Variants in C18orf54 observed in about 807,000 individuals in gnomAD.
C18orf54 encodes the protein chromosome 18 open reading frame 54.
A neutral mutation model predicts 49.3 loss-of-function variants in C18orf54; 49 were observed. The ratio of observed to expected loss-of-function variants is 0.99; its 90% CI spans 0.79 to 1.26. The LOEUF (loss-of-function observed/expected upper bound fraction) is 1.26, where lower values mean the gene tolerates loss of function less well. Ranked by LOEUF, C18orf54 falls within the 50% of genes most tolerant of loss-of-function variation. The pLI, the probability that C18orf54 is intolerant of heterozygous loss-of-function variation, is 0.00. For missense variants in C18orf54, 687 were observed against 620.6 expected (o/e 1.11, Z -1.14); for synonymous variants, 211 against 216.6 (o/e 0.97, Z 0.23).
intron 6 of C18orf54, among the ~76,000 whole-genome samples, chr18:54,368,148 A>G (rs905847069): frequency 2.0e-5 from 3 of 152,068 alleles, no homozygotes; most frequent in Non-Finnish European, 4.4e-5. Context: ...TTAAAAAAAC[A>G]TGATTTTGAA....
At position 54,372,062 on chromosome 18, in the gene C18orf54, G is replaced by C. The variant is rs112855750; in HGVS notation, c.1327-404G>C. On this transcript the variant is annotated intron_variant, in intron 6 of 8. Transcript: ENST00000620105. ...TTCTGTTATAAAAACATATTTTAAA[G>C]TGTGCAGAGAATACTGTATTTGAAA... 3.6e-3 allele frequency among the ~76,000 whole-genome samples: 552 copies of C among 152,136 alleles called. 6 individuals carry two copies. The highest frequency in any genetic ancestry group is 0.012 in the African/African-American group (500 of 41,552).
intron 7 of C18orf54, 70 bp from the exon 8 acceptor site, chr18:54,374,144 T>C: frequency 8.3e-7 from 1 of 1,209,958 alleles, no homozygotes; most frequent in Non-Finnish European, 1.1e-6. Flanking sequence ...TTAATCACAT[T>C]TTCAATACCA....
rs1263625399 is a variant in C18orf54, at chr18:54,360,726, C to G, written c.154C>G (p.Leu52Val). The part of the protein sequence containing the change: ...DKLYRSASQA[L>V]QAYIDDFDLG... ...GCTGTACAGATCTGCTTCTCAAGCT[C>G]TACAGGCTTATATTGATGATTTTGA... is the stretch of plus-strand genomic sequence containing the variant. Residue 52 changes from leucine (L) to valine (V), a missense_variant, in exon 3 of 9, where the codon CTA (leucine) becomes GTA (valine). By Grantham distance (32) the Leu-to-Val change is conservative. Transcript: ENST00000620105. 1 of 1,614,038 alleles carries G rather than the reference C, an allele frequency of 6.2e-7. No individual in the cohort carries two copies. Among genetic ancestry groups the G allele is most frequent in the Non-Finnish European group, 8.5e-7 (1 of 1,179,952 alleles).
chr18:54,359,579 C>A (rs2089219521), intron 2 of C18orf54, among the ~76,000 whole-genome samples: 1 of 152,100 alleles, frequency 6.6e-6, no homozygotes, highest in Non-Finnish European at 1.5e-5. Context: ...ACAAATATTT[C>A]TAAAATTATA....
At chr18:54,375,061 C>A (rs533429833) in intron 8 of C18orf54, among the ~76,000 whole-genome samples, 11 of 152,022 alleles carry the variant, frequency 7.2e-5, no homozygotes, top group Admixed American at 7.2e-4. Context: ...TGTATGATTA[C>A]TTTTTTCTCT....
rs766954356 is a variant in C18orf54, at chr18:54,362,873, T to C, written c.1175T>C (p.Leu392Ser). Residue 392 changes from leucine to serine, a missense_variant, in exon 5 of 9, where the codon TTA becomes TCA. Physicochemically the swap from Leu to Ser is moderately radical, Grantham distance 145 (BLOSUM62 -2). Transcript: ENST00000620105. ...AAAAAGGATGACAGTCCTTGCTCATTAGATAAACTTGAAGCAGACAGATCA... is the reference window on the plus strand; with the variant it reads ...AAAAAGGATGACAGTCCTTGCTCATCAGATAAACTTGAAGCAGACAGATCA... ...SMKKDDSPCS[L>S]DKLEADRSWE... 9.3e-6 allele frequency: 15 copies of C among 1,612,142 alleles called. No homozygotes were observed. Among genetic ancestry groups the C allele is most frequent in the East Asian group, 2.2e-5 (1 of 44,736 alleles).
At chr18:54,368,487 G>A (rs2089427257) in intron 6 of C18orf54, among the ~76,000 whole-genome samples, 1 of 152,060 alleles carries the variant, frequency 6.6e-6, no homozygotes, top group Admixed American at 6.6e-5. Flanking sequence ...AAATACTGAA[G>A]AAGTGATGTG....
Position 54,363,865 on chromosome 18 carries a change from C to T in C18orf54, c.1223+944C>T, listed in dbSNP as rs191040316. 1,128 of 151,598 alleles carry T rather than the reference C, an allele frequency of 7.4e-3. 6 individuals carry two copies. The highest frequency in any genetic ancestry group is 0.013 in the Non-Finnish European group (856 of 67,940). 9.4% of individuals were successfully genotyped at this position (151,598 alleles called of 1,614,324 possible). ...TCTCTTTTCAGAATGTAGGCATTGACTATAATTCCAGTTTAGAAGCCTACG... is the reference window on the plus strand; with the variant it reads ...TCTCTTTTCAGAATGTAGGCATTGATTATAATTCCAGTTTAGAAGCCTACG... On this transcript the variant is annotated intron_variant, in intron 5 of 8. Transcript: ENST00000620105.
chr18:54,366,495 G>T (rs939623104), intron 6 of C18orf54, among the ~76,000 whole-genome samples: 4 of 151,940 alleles, frequency 2.6e-5, no homozygotes, highest in Non-Finnish European at 5.9e-5. Flanking sequence ...ATATTCTGTT[G>T]TCTATATATG....
In C18orf54 at chr18:54,362,308, A is replaced by G. The variant is rs1159460047; in HGVS notation, c.949A>G (p.Asn317Asp). Reference protein sequence around the residue: ...DCFEYAFEPSNFSNSLSDDKE... With the variant: ...DCFEYAFEPSDFSNSLSDDKE... ...TTTTGAATATGCTTTTGAACCCTCA[A>G]ACTTTTCAAATTCCTTGAGTGATGA... is the stretch of plus-strand genomic sequence containing the variant. Residue 317 changes from asparagine to aspartate, a missense_variant, in exon 4 of 9, where the codon AAC (asparagine) becomes GAC (aspartate). Physicochemically the swap from Asn to Asp is conservative, Grantham distance 23. Coordinates refer to ENST00000620105, the MANE Select transcript of C18orf54 (RefSeq NM_001288980.2). 4 of 1,536,106 alleles carry G rather than the reference A, an allele frequency of 2.6e-6. No individual in the cohort carries two copies. The African/African-American group carries it at 4.1e-5, about 16-fold the overall frequency.
chr18:54,380,894 G>A lies in C18orf54; in HGVS notation c.*2648G>A, dbSNP rs1197488330. On this transcript the variant is annotated 3_prime_UTR_variant, in exon 9 of 9. Coordinates refer to ENST00000620105, the MANE Select transcript of C18orf54 (RefSeq NM_001288980.2). ...CTCTCTCTGTTTCAGAACATTTTTG[G>A]TAGAAGTGCTATCCAGAAGTGAACT... 4 of 151,900 alleles carry A rather than the reference G, an allele frequency of 2.6e-5. No individual in the cohort carries two copies. The highest frequency in any genetic ancestry group is 5.9e-5 in the Non-Finnish European group (4 of 67,954). The allele number at this position is 151,900 out of a possible 1,614,324, so 9.4% of individuals were successfully genotyped here. A position where few individuals can be genotyped will look rare whatever the true frequency, so the allele number is the denominator to read the frequency against.
At chr18:54,373,310 A>AAT (rs1004402251) in intron 7 of C18orf54, among the ~76,000 whole-genome samples, 3 of 151,640 alleles carry the variant, frequency 2.0e-5, no homozygotes, top group Non-Finnish European at 3.0e-5. Context: ...TTTAATTGAC[A>AAT]ATATATATAT....
In C18orf54 at chr18:54,360,640, G is replaced by A. The variant is rs746294693; in HGVS notation, c.68G>A (p.Ser23Asn). The change falls in exon 3 of 9, where the codon AGC becomes AAC. Residue 23 changes from serine (S) to asparagine (N), a missense_variant. Physicochemically the swap from Ser to Asn is conservative, Grantham distance 46. Transcript: ENST00000620105. ...QESSVSALLA[S>N]CTLSGSNSSN... ...TCTTCAGTATCTGCCCTGCTGGCAA[G>A]CTGCACCCTGAGTGGTAGTAATTCC... 6.2e-7 allele frequency: 1 copy of A among 1,614,062 alleles called. No individual in the cohort carries two copies. The highest frequency in any genetic ancestry group is 8.5e-7 in the Non-Finnish European group (1 of 1,179,934).
At chr18:54,366,447 A>T (rs776463171) in intron 6 of C18orf54, among the ~76,000 whole-genome samples, 4 of 152,038 alleles carry the variant, frequency 2.6e-5, no homozygotes, top group Admixed American at 1.3e-4. Context: ...ACATTTTGTC[A>T]CAAATGACAG....
chr18:54,365,365 A>T (rs1218486956), intron 5 of C18orf54, among the ~76,000 whole-genome samples: 1 of 152,038 alleles, frequency 6.6e-6, no homozygotes, highest in Non-Finnish European at 1.5e-5. Context: ...TGATTATTAG[A>T]TGGTAACAAT....
rs1207474063 is a variant in C18orf54 at position 54,361,941 on chromosome 18, G to A, written c.582G>A (p.Lys194=). ...TPVIRSNING[K]QCGRLKNPKL... ...TTATACGCTCAAATATAAATGGAAA[G>A]CAATGTGGTAGGCTGAAAAACCCAA... The change falls in exon 4 of 9, where the codon AAG becomes AAA. Residue 194 remains lysine (K), a synonymous_variant. Coordinates refer to ENST00000620105, the MANE Select transcript of C18orf54 (RefSeq NM_001288980.2). 6.2e-7 allele frequency: 1 copy of A among 1,614,128 alleles called. No individual in the cohort carries two copies. The highest frequency in any genetic ancestry group is 8.5e-7 in the Non-Finnish European group (1 of 1,180,004).
chr18:54,367,703 T>C (rs1371524142), intron 6 of C18orf54, among the ~76,000 whole-genome samples: 1 of 152,148 alleles, frequency 6.6e-6, no homozygotes, highest in African/African-American at 2.4e-5. Context: ...GGCTTAAATC[T>C]ACTGGGGGCC....
rs2089665617 is a variant in C18orf54, at chr18:54,381,222, A to G, written c.*2976A>G. On this transcript the variant is annotated 3_prime_UTR_variant, in exon 9 of 9. Coordinates refer to ENST00000620105, the MANE Select transcript of C18orf54 (RefSeq NM_001288980.2). Reference sequence around the variant, plus strand: ...TTTTTCTTTTTTTGTTTATAATCATATGTCCCTAAGATTGTTTTCCTTTTT... The same window carrying G: ...TTTTTCTTTTTTTGTTTATAATCATGTGTCCCTAAGATTGTTTTCCTTTTT... 1 of 151,792 alleles carries G rather than the reference A, an allele frequency of 6.6e-6. No individual in the cohort carries two copies. Among genetic ancestry groups the G allele is most frequent in the Non-Finnish European group, 1.5e-5 (1 of 67,952 alleles). The allele number at this position is 151,792 out of a possible 1,614,324, so 9.4% of individuals were successfully genotyped here.
In C18orf54 at chr18:54,362,125, A is replaced by G. The variant is rs1293514009; in HGVS notation, c.766A>G (p.Ile256Val). 6.5e-7 allele frequency: 1 copy of G among 1,536,828 alleles called. No individual in the cohort carries two copies. The highest frequency in any genetic ancestry group is 2.4e-5 in the East Asian group (1 of 40,920). Residue 256 changes from isoleucine to valine, a missense_variant, in exon 4 of 9, where the codon ATA becomes GTA. Physicochemically the swap from Ile to Val is conservative, Grantham distance 29. Coordinates refer to ENST00000620105, the MANE Select transcript of C18orf54 (RefSeq NM_001288980.2). ...SDLNVSGITS[I>V]PDFKYPVWLH... ...CCTTAATGTTTCAGGGATAACTAGT[A>G]TACCTGATTTCAAATACCCAGTCTG...
Sources: allele counts gnomAD v4.1 joint callset (sites outside exome capture counted in the v4.1 genomes callset), GRCh38; gene constraint gnomAD v4.1.1; transcripts MANE v1.5; gene names NCBI Gene and HGNC (gene_info 2026-07-23, HGNC 2026-07-21).